Variants in PDE10A observed in about 807,000 individuals in gnomAD.
PDE10A encodes the protein cAMP and cAMP-inhibited cGMP 3',5'-cyclic phosphodiesterase 10A.
A neutral mutation model predicts 97.7 loss-of-function variants in PDE10A; 39 were observed. The observed-to-expected ratio is 0.40, with a 90% CI of 0.31 to 0.52. PDE10A has a LOEUF of 0.52. Among genes scored for constraint, PDE10A ranks in the 20% least tolerant of loss-of-function variants. The probability of loss-of-function intolerance (pLI) is 0.56; values close to 1 mark genes in which losing one functional copy is unlikely to be tolerated. For synonymous variants in PDE10A, 371 were observed against 376.8 expected (o/e 0.98, Z 0.18); for missense variants, 731 against 1,047.8 (o/e 0.70, Z 4.17).
chr6:165,574,020 AT>A (rs1463150326), intron 1 of PDE10A, among the ~76,000 whole-genome samples: 1 of 152,236 alleles, frequency 6.6e-6, no homozygotes, highest in Non-Finnish European at 1.5e-5. Context: ...GGTGTTTGTA[AT>A]TGTGAGAGTG....
At chr6:165,723,277 C>T (rs187959289) in intron 1 of PDE10A, among the ~76,000 whole-genome samples, 21 of 152,340 alleles carry the variant, frequency 1.4e-4, no homozygotes, top group Admixed American at 1.2e-3. Context: ...GAGCTTTGCT[C>T]TCGACAATTT....
chr6:165,628,907 T>TA (rs1322908349), intron 1 of PDE10A, among the ~76,000 whole-genome samples: 3 of 152,230 alleles, frequency 2.0e-5, no homozygotes, highest in African/African-American at 7.2e-5. Context: ...TTTTAAAATT[T>TA]AGATATTGAA....
At chr6:165,946,411 C>T (rs1214619550) in intron 1 of PDE10A, among the ~76,000 whole-genome samples, 5 of 151,288 alleles carry the variant, frequency 3.3e-5, no homozygotes, top group South Asian at 2.1e-4. Context: ...AGGAGAATGG[C>T]GTGAACCAGG....
intron 1 of PDE10A, among the ~76,000 whole-genome samples, chr6:165,914,672 T>A (rs981390665): frequency 1.3e-5 from 2 of 152,208 alleles, no homozygotes; most frequent in African/African-American, 4.8e-5. Flanking sequence ...GTTCTTCCTT[T>A]CCCAAACCAA....
At chr6:165,809,738 T>C (rs1779228517) in intron 1 of PDE10A, among the ~76,000 whole-genome samples, 1 of 152,162 alleles carries the variant, frequency 6.6e-6, no homozygotes, top group South Asian at 2.1e-4. Context: ...AAAGTCACAC[T>C]GCATGGTCCC....
intron 1 of PDE10A, among the ~76,000 whole-genome samples, chr6:165,582,311 A>C (rs1785657970): frequency 6.6e-6 from 1 of 152,222 alleles, no homozygotes; most frequent in Non-Finnish European, 1.5e-5. Flanking sequence ...TACAGGGCCC[A>C]AAAATCAAAA....
Position 165,827,811 on chromosome 6 carries a change from G to A in PDE10A, c.-615+159718C>T, listed in dbSNP as rs115913932. ...GTCTTGTATCCCTTGTCCCCCTCCCGCATTTTCCTCTGAGTCCCCAAAGTC... is the reference window on the plus strand; with the variant it reads ...GTCTTGTATCCCTTGTCCCCCTCCCACATTTTCCTCTGAGTCCCCAAAGTC... On this transcript the variant is annotated intron_variant, in intron 1 of 19. Transcript: ENST00000366882. Among the ~76,000 whole-genome samples, 631 of 152,182 alleles carry A rather than the reference G, an allele frequency of 4.1e-3. 9 individuals carry two copies. Among genetic ancestry groups the A allele is most frequent in the African/African-American group, 0.015 (606 of 41,510 alleles).
chr6:165,488,513 G>C (rs945619661), intron 2 of PDE10A, among the ~76,000 whole-genome samples: 2 of 152,206 alleles, frequency 1.3e-5, no homozygotes, highest in East Asian at 3.9e-4. Context: ...TCGGTGGACA[G>C]AGCAGCCTGT....
chr6:165,733,695 T>C (rs1792495035), intron 1 of PDE10A, among the ~76,000 whole-genome samples: 1 of 152,306 alleles, frequency 6.6e-6, no homozygotes, highest in African/African-American at 2.4e-5. Context: ...AACACCCAGT[T>C]GTTTGACAGG....
intron 18 of PDE10A, among the ~76,000 whole-genome samples, chr6:165,367,431 G>A (rs763525629): frequency 3.3e-5 from 5 of 151,896 alleles, no homozygotes; most frequent in South Asian, 2.1e-4. Context: ...CAGTATAAAG[G>A]GGTCTAACAG....
chr6:165,496,339 A>G (rs1780535465), intron 2 of PDE10A, among the ~76,000 whole-genome samples: 1 of 152,188 alleles, frequency 6.6e-6, no homozygotes, highest in African/African-American at 2.4e-5. Flanking sequence ...CTGTTAGGAA[A>G]TCAGAATACG....
At chr6:165,856,805 A>C (rs1177317055) in intron 1 of PDE10A, among the ~76,000 whole-genome samples, 1 of 152,146 alleles carries the variant, frequency 6.6e-6, no homozygotes, top group Admixed American at 6.5e-5. Flanking sequence ...TTTTCCTGTT[A>C]AGCATTTCAA....
intron 1 of PDE10A, among the ~76,000 whole-genome samples, chr6:165,982,567 A>T (rs1244556086): frequency 6.6e-6 from 1 of 152,238 alleles, no homozygotes. Flanking sequence ...ACTACAGTGT[A>T]ACTGGAAAAA....
intron 1 of PDE10A, among the ~76,000 whole-genome samples, chr6:165,875,842 G>A (rs761102126): frequency 7.3e-5 from 11 of 150,842 alleles, no homozygotes; most frequent in South Asian, 2.1e-4. Flanking sequence ...GTTTTTAAGC[G>A]TAGGGTTTTG....
intron 1 of PDE10A, among the ~76,000 whole-genome samples, chr6:165,957,038 T>A (rs1179000414): frequency 1.3e-5 from 2 of 152,020 alleles, no homozygotes; most frequent in Non-Finnish European, 2.9e-5. Flanking sequence ...GGGAGGAGCA[T>A]TTGCAAAGCC....
At chr6:165,530,266 T>C (rs1174545775) in intron 2 of PDE10A, among the ~76,000 whole-genome samples, 1 of 56,244 alleles carries the variant, frequency 1.8e-5, no homozygotes, top group African/African-American at 3.7e-5. Flanking sequence ...ATCCTCTTTA[T>C]ATATGTGTGT....
At chr6:165,350,808 G>A (rs577167875) in intron 18 of PDE10A, among the ~76,000 whole-genome samples, 7 of 152,208 alleles carry the variant, frequency 4.6e-5, no homozygotes, top group Admixed American at 1.3e-4. Flanking sequence ...TTCCCTCTTC[G>A]CTGGGCACTC....
At chr6:165,972,727 C>T (rs1049241153) in intron 1 of PDE10A, among the ~76,000 whole-genome samples, 2 of 152,112 alleles carry the variant, frequency 1.3e-5, no homozygotes, top group African/African-American at 4.8e-5. Context: ...AAGTAACTGG[C>T]TTCAATTAAT....
At chr6:165,927,638 T>G (rs1038124765) in intron 1 of PDE10A, among the ~76,000 whole-genome samples, 4 of 77,998 alleles carry the variant, frequency 5.1e-5, no homozygotes, top group African/African-American at 2.0e-4. Context: ...ATTATTAACA[T>G]GAGAATGACA....
Sources: allele counts gnomAD v4.1 joint callset (sites outside exome capture counted in the v4.1 genomes callset), GRCh38; gene constraint gnomAD v4.1.1; transcripts MANE v1.5; gene names NCBI Gene and HGNC (gene_info 2026-07-23, HGNC 2026-07-21).